Variants in MARCHF8 observed in about 807,000 individuals in gnomAD.
MARCHF8 encodes the protein E3 ubiquitin-protein ligase MARCHF8.
A neutral mutation model predicts 51.6 loss-of-function variants in MARCHF8; 40 were observed. That is an observed-to-expected ratio of 0.77 (90% confidence interval 0.60 to 1.01). The LOEUF (loss-of-function observed/expected upper bound fraction) is 1.01, where lower values mean the gene tolerates loss of function less well. Ranked by LOEUF, MARCHF8 falls within the 50% of genes least tolerant of loss-of-function variation. The pLI is 0.00. For synonymous variants in MARCHF8, 263 were observed against 280.3 expected (o/e 0.94, Z 0.62); for missense variants, 685 against 708.6 (o/e 0.97, Z 0.38).
At chr10:45,471,716 T>A (rs908422536) in intron 3 of MARCHF8, among the ~76,000 whole-genome samples, 3 of 152,196 alleles carry the variant, frequency 2.0e-5, no homozygotes, top group African/African-American at 7.2e-5. Context: ...CTGAGCACAC[T>A]ACCGAGCAGG....
At chr10:45,461,149 C>G in intron 6 of MARCHF8, 82 bp downstream of exon 6, 2 of 1,108,878 alleles carry the variant, frequency 1.8e-6, no homozygotes, top group Non-Finnish European at 2.5e-6. Context: ...CGCAGGCAAG[C>G]CATGACCTCA....
upstream of MARCHF8, among the ~76,000 whole-genome samples, chr10:45,537,184 A>G (rs2043985718): frequency 6.6e-6 from 1 of 152,214 alleles, no homozygotes; most frequent in South Asian, 2.1e-4. Context: ...AAACTTGTCC[A>G]TGAATGTTTC....
chr10:45,540,311 C>T (rs1374452908), upstream of MARCHF8, among the ~76,000 whole-genome samples: 3 of 152,218 alleles, frequency 2.0e-5, no homozygotes, highest in Non-Finnish European at 4.4e-5. Flanking sequence ...TACCATAAGG[C>T]TTAGCCACAG....
intron 3 of MARCHF8, among the ~76,000 whole-genome samples, chr10:45,483,758 T>C (rs1327704752): frequency 6.7e-6 from 1 of 149,438 alleles, no homozygotes; most frequent in Non-Finnish European, 1.5e-5. Context: ...AATCATGTCA[T>C]CTGCAGCAAC....
At chr10:45,504,097 G>C (rs991244852) in intron 2 of MARCHF8, among the ~76,000 whole-genome samples, 8 of 152,066 alleles carry the variant, frequency 5.3e-5, no homozygotes, top group African/African-American at 1.7e-4. Flanking sequence ...CTACTAATTG[G>C]GCACTTTAAA....
intron 1 of MARCHF8, among the ~76,000 whole-genome samples, chr10:45,543,934 C>T (rs1040278163): frequency 3.3e-5 from 5 of 151,734 alleles, no homozygotes; most frequent in African/African-American, 1.2e-4. Flanking sequence ...GCCAGGCTCT[C>T]ATATGTGCCT....
chr10:45,516,500 C>G (rs1028435508), intron 2 of MARCHF8, among the ~76,000 whole-genome samples: 2 of 152,110 alleles, frequency 1.3e-5, no homozygotes, highest in African/African-American at 4.8e-5. Context: ...CGGTGGCTCA[C>G]GCCTGTTAAT....
At chr10:45,509,773 C>A (rs545481516) in intron 2 of MARCHF8, among the ~76,000 whole-genome samples, 1 of 152,198 alleles carries the variant, frequency 6.6e-6, no homozygotes. Context: ...ATTTTAGGGA[C>A]CTCAAGAAAT....
At position 45,456,681 on chromosome 10, in the gene MARCHF8, C is replaced by CT. The variant is rs1237651190; in HGVS notation, c.*1557dup. The CT allele has an allele frequency of 6.6e-6, 1 of 152,222 alleles. No individual in the cohort carries two copies. The highest frequency in any genetic ancestry group is 2.4e-5 in the African/African-American group (1 of 41,450). The allele number at this position is 152,222 out of a possible 1,614,324, so 9.4% of individuals were successfully genotyped here. On this transcript the variant is annotated 3_prime_UTR_variant, in exon 8 of 8. Transcript: ENST00000453424. ...CGTGCAGGCTGGGTGAGAGAATGGC[C>CT]TGGAAAGGAAGCATCTGCGCTACAT...
intron 6 of MARCHF8, among the ~76,000 whole-genome samples, chr10:45,460,749 G>C (rs145996035): frequency 2.6e-5 from 4 of 152,154 alleles, no homozygotes; most frequent in Non-Finnish European, 4.4e-5. Flanking sequence ...CGCAACGTTT[G>C]TGCTTCCTTT....
chr10:45,493,038 C>T (rs1387969694), intron 2 of MARCHF8, among the ~76,000 whole-genome samples: 3 of 152,164 alleles, frequency 2.0e-5, no homozygotes, highest in Non-Finnish European at 2.9e-5. Context: ...GGACGCTCAA[C>T]GTGTATTACC....
chr10:45,539,965 A>G (rs377068238), upstream of MARCHF8, among the ~76,000 whole-genome samples: 1 of 152,208 alleles, frequency 6.6e-6, no homozygotes, highest in South Asian at 2.1e-4. Context: ...CAAGGAGAAT[A>G]AAATACCTAG....
At chr10:45,503,269 G>A (rs1294760052) in intron 2 of MARCHF8, among the ~76,000 whole-genome samples, 1 of 152,138 alleles carries the variant, frequency 6.6e-6, no homozygotes, top group Non-Finnish European at 1.5e-5. Context: ...CGGGCACGGT[G>A]GCTCACACCT....
chr10:45,579,112 G>A (rs1293974030), intron 1 of MARCHF8, among the ~76,000 whole-genome samples: 2 of 152,184 alleles, frequency 1.3e-5, no homozygotes, highest in Middle Eastern at 6.3e-3. Flanking sequence ...TTATGCAAGA[G>A]AATACCCTGG....
At position 45,533,552 on chromosome 10, in the gene MARCHF8, T is replaced by C. The variant is rs115158558; in HGVS notation, c.-78-263A>G. 6.8e-3 allele frequency among the ~76,000 whole-genome samples: 1,030 copies of C among 152,214 alleles called. 10 individuals carry two copies. Among genetic ancestry groups the C allele is most frequent in the African/African-American group, 0.024 (981 of 41,536 alleles). ...GAGATATAATCTTCCATTGGCTACT[T>C]AGGATTAAAACAAAGCAGTGCCACC... On this transcript the variant is annotated intron_variant, in intron 1 of 7. Transcript: ENST00000453424.
intron 1 of MARCHF8, among the ~76,000 whole-genome samples, chr10:45,547,387 C>T (rs763848373): frequency 3.3e-5 from 5 of 152,148 alleles, no homozygotes; most frequent in African/African-American, 4.8e-5. Context: ...CTTGCCCAAG[C>T]TTTCACAGCC....
chr10:45,491,711 C>T lies in MARCHF8; in HGVS notation c.103-2294G>A, dbSNP rs894614763. ...GTAAACACAGGGCACTGCTGTGAGTCCCAATTTTAAGGCCAAGCTACTGGT... is the reference window on the plus strand; with the variant it reads ...GTAAACACAGGGCACTGCTGTGAGTTCCAATTTTAAGGCCAAGCTACTGGT... On this transcript the variant is annotated intron_variant, in intron 2 of 7. Coordinates refer to ENST00000453424, the MANE Select transcript of MARCHF8 (RefSeq NM_001282866.2). Among the ~76,000 whole-genome samples the T allele has an allele frequency of 3.3e-5, 5 of 152,212 alleles. No homozygotes were observed. The South Asian group carries it at 6.2e-4, about 19-fold the overall frequency.
Position 45,572,629 on chromosome 10 carries a change from C to T in MARCHF8, c.-79+21606G>A, listed in dbSNP as rs76235579. 5.3e-5 allele frequency among the ~76,000 whole-genome samples: 8 copies of T among 152,182 alleles called. No individual in the cohort carries two copies. In the Middle Eastern group the frequency reaches 0.01, roughly 194 times the overall value. The stretch of plus-strand genomic sequence containing the variant: ...GACGTCCAGGCATTCTTTTACACAT[C>T]GGTCCATCCCTAGTCTCTGTTCCCC... On this transcript the variant is annotated intron_variant, in intron 1 of 6. Transcript: ENST00000319836.
chr10:45,574,503 T>C (rs2044467137), intron 1 of MARCHF8, among the ~76,000 whole-genome samples: 1 of 152,158 alleles, frequency 6.6e-6, no homozygotes, highest in Non-Finnish European at 1.5e-5. Flanking sequence ...CAGCCTCTCT[T>C]CGCTTTCACT....
Sources: allele counts gnomAD v4.1 joint callset (sites outside exome capture counted in the v4.1 genomes callset), GRCh38; gene constraint gnomAD v4.1.1; transcripts MANE v1.5; gene names NCBI Gene and HGNC (gene_info 2026-07-23, HGNC 2026-07-21).